SULF2: variants seen among roughly 807,000 people sequenced by gnomAD.
SULF2 encodes the protein sulfatase 2.
In SULF2, 52 loss-of-function variants were observed where a neutral mutation model predicts 107.7. The ratio of observed to expected loss-of-function variants is 0.48; its 90% CI spans 0.39 to 0.61. The LOEUF is 0.61. Ranked by LOEUF, SULF2 falls within the 20% of genes least tolerant of loss-of-function variation. The pLI is 0.00. For missense variants in SULF2, 993 were observed against 1,177.3 expected (o/e 0.84, Z 2.29); for synonymous variants, 460 against 464.3 (o/e 0.99, Z 0.12).
chr20:47,705,730 C>A (rs543518766), intron 3 of SULF2, among the ~76,000 whole-genome samples: 1 of 152,108 alleles, frequency 6.6e-6, no homozygotes, highest in Non-Finnish European at 1.5e-5. Context: ...CACGTGACAG[C>A]CCCCACGCTA....
chr20:47,732,051 C>CT (rs11086224), intron 3 of SULF2, among the ~76,000 whole-genome samples: 51,590 of 149,560 alleles, frequency 0.34, 10,552 homozygotes, highest in African/African-American at 0.58. Flanking sequence ...TCATTGCTAA[C>CT]TTTTTTTTAT....
chr20:47,701,652 A>C (rs1427989606), intron 4 of SULF2, among the ~76,000 whole-genome samples: 1 of 152,244 alleles, frequency 6.6e-6, no homozygotes, highest in Non-Finnish European at 1.5e-5. Context: ...TATTTGTAAT[A>C]ACCCCAAACT....
chr20:47,784,607 G>A (rs926601724), intron 1 of SULF2, among the ~76,000 whole-genome samples: 1 of 152,162 alleles, frequency 6.6e-6, no homozygotes, highest in Non-Finnish European at 1.5e-5. Flanking sequence ...GCGCGCAGGA[G>A]CCAGATCCTG....
At chr20:47,759,812 C>T (rs1368108698) in intron 1 of SULF2, among the ~76,000 whole-genome samples, 1 of 152,238 alleles carries the variant, frequency 6.6e-6, no homozygotes. Context: ...CGGGGGCCCC[C>T]AACCCAGGCA....
intron 6 of SULF2, chr20:47,684,206 TG>T (rs2087919873): frequency 2.2e-6 from 1 of 463,452 alleles, no homozygotes; most frequent in South Asian, 4.2e-5. Flanking sequence ...CTAGCATATA[TG>T]GTTACCGTAT....
At chr20:47,684,680 G>A (rs1461588488) in intron 5 of SULF2, 99 bp from the exon 6 acceptor site, 4 of 1,293,996 alleles carry the variant, frequency 3.1e-6, no homozygotes, top group Non-Finnish European at 4.3e-6. Flanking sequence ...ACCCTGTGCT[G>A]TGTCTGCAGC....
chr20:47,674,858 C>T (rs143201095), intron 10 of SULF2, among the ~76,000 whole-genome samples: 5 of 152,254 alleles, frequency 3.3e-5, no homozygotes, highest in Admixed American at 2.0e-4. Context: ...GGAGTACCGG[C>T]TTGTGAGCAG....
intron 2 of SULF2, among the ~76,000 whole-genome samples, chr20:47,738,214 C>T (rs762426422): frequency 3.9e-5 from 6 of 152,256 alleles, no homozygotes; most frequent in Non-Finnish European, 7.3e-5. Context: ...ATCCTCAGCA[C>T]TGCTGCCGTG....
intron 2 of SULF2, among the ~76,000 whole-genome samples, chr20:47,754,585 G>A (rs1304066171): frequency 2.0e-5 from 3 of 152,222 alleles, no homozygotes; most frequent in South Asian, 4.1e-4. Flanking sequence ...AGTGCTATTG[G>A]GCAAGAGCTG....
rs1228988956 is a variant in SULF2, at chr20:47,694,161, T to A, written c.568-3866A>T. Among the ~76,000 whole-genome samples, 1 of 152,076 alleles carries A rather than the reference T, an allele frequency of 6.6e-6. No homozygotes were observed. The highest frequency in any genetic ancestry group is 1.5e-5 in the Non-Finnish European group (1 of 67,994). On this transcript the variant is annotated intron_variant, in intron 4 of 20. Transcript: ENST00000688720. The surrounding 1 kb of genome is among the most constrained non-coding windows in gnomAD (Gnocchi z 4.4). Reference sequence around the variant, plus strand: ...CAGGCCAGCCAACAAGAGCCACCCATCCCTCCGGCCACAGGGCTTCAGCCA... The same window carrying A: ...CAGGCCAGCCAACAAGAGCCACCCAACCCTCCGGCCACAGGGCTTCAGCCA...
At position 47,694,783 on chromosome 20, in the gene SULF2, C is replaced by T. The variant is rs6094784; in HGVS notation, c.568-4488G>A. Among the ~76,000 whole-genome samples the T allele has an allele frequency of 0.013, 1,978 of 152,254 alleles. 45 individuals are homozygous for T. The highest frequency in any genetic ancestry group is 0.045 in the African/African-American group (1,873 of 41,558). On this transcript the variant is annotated intron_variant, in intron 4 of 20. Coordinates refer to ENST00000688720, the MANE Select transcript of SULF2 (RefSeq NM_001387048.1). The surrounding 1 kb of genome is among the most constrained non-coding windows in gnomAD (Gnocchi z 4.4). The stretch of plus-strand genomic sequence containing the variant: ...GCTTCCCTCCAAGGCCAAGGCAGTG[C>T]GTGTGGGTGGCAGCAGCTCCACAGG...
chr20:47,786,312 G>C (rs1439324310), upstream of SULF2: 2 of 152,194 alleles, frequency 1.3e-5, no homozygotes, highest in African/African-American at 2.4e-5. Context: ...GCTGGAGGGA[G>C]CCAAATGTTC....
chr20:47,676,343 A>AC (rs34639909), intron 10 of SULF2, 151 bp downstream of exon 10: 2 of 837,992 alleles, frequency 2.4e-6, no homozygotes, highest in Non-Finnish European at 3.6e-6. Context: ...ATCCTGCACC[A>AC]CCAAACAGCA....
At chr20:47,665,984 G>A (rs368988214) in intron 12 of SULF2, 31 bp from the exon 13 acceptor site, 19 of 1,606,340 alleles carry the variant, frequency 1.2e-5, no homozygotes, top group East Asian at 4.5e-5. Context: ...CGTGTGGCTC[G>A]GAGGTGGTGG....
chr20:47,663,162 T>C lies in SULF2; in HGVS notation c.2278A>G (p.Met760Val). 6.2e-7 allele frequency: 1 copy of C among 1,614,180 alleles called. No individual in the cohort carries two copies. The highest frequency in any genetic ancestry group is 1.1e-5 in the South Asian group (1 of 91,090). The change falls in exon 17 of 21, where the codon ATG becomes GTG. Residue 760 changes from methionine (M) to valine (V), a missense_variant. Around this residue, in one of 3 missense-constraint regions of SULF2, gnomAD observed 497 missense variants for 544.1 expected, o/e 0.91. Coordinates refer to ENST00000688720, the MANE Select transcript of SULF2 (RefSeq NM_001387048.1). ...TTGTGAGTCTCATTGATGGTCCTCA[T>C]GCACCAGTACGTGTTATTGTTGGCG... ...TSANNNTYWC[M>V]RTINETHNFL...
At chr20:47,753,485 G>A (rs1002712799) in intron 2 of SULF2, among the ~76,000 whole-genome samples, 1 of 152,216 alleles carries the variant, frequency 6.6e-6, no homozygotes, top group Non-Finnish European at 1.5e-5. Context: ...TTACAGTAGA[G>A]ACACACTGGC....
intron 7 of SULF2, among the ~76,000 whole-genome samples, chr20:47,679,097 G>A (rs957320046): frequency 2.7e-5 from 4 of 150,686 alleles, no homozygotes; most frequent in Non-Finnish European, 4.4e-5. Flanking sequence ...CTGAGTGAAG[G>A]CGACCCCCCC....
At chr20:47,749,335 G>A (rs2090113382) in intron 2 of SULF2, among the ~76,000 whole-genome samples, 1 of 152,216 alleles carries the variant, frequency 6.6e-6, no homozygotes, top group Non-Finnish European at 1.5e-5. Context: ...GAACTCAAGT[G>A]ATCTCCCAAA....
At chr20:47,735,611 A>G (rs1338003636) in intron 3 of SULF2, among the ~76,000 whole-genome samples, 5 of 152,204 alleles carry the variant, frequency 3.3e-5, no homozygotes, top group African/African-American at 7.2e-5. Context: ...AGGGGAACCA[A>G]CAGGTGGTTG....
Sources: gnomAD v4.1 joint callset for allele counts (sites outside exome capture counted in the v4.1 genomes callset) on GRCh38, gnomAD v4.1.1 for gene constraint, gnomAD v4.1.1 regional missense constraint, Gnocchi (gnomAD v3.1) non-coding constraint, MANE v1.5 for transcripts, NCBI Gene and HGNC (gene_info 2026-07-23, HGNC 2026-07-21) for gene names.